Variants in DNAAF4 observed in about 807,000 individuals in gnomAD.
DNAAF4 encodes dynein axonemal assembly factor 4.
Under a neutral mutation model 51.8 loss-of-function variants are expected in DNAAF4, and 43 were observed. That is an observed-to-expected ratio of 0.83 (90% CI 0.65 to 1.07). The LOEUF (loss-of-function observed/expected upper bound fraction) is 1.07, where lower values mean the gene tolerates loss of function less well. DNAAF4 is among the 50% of genes least tolerant of loss of function. The probability of loss-of-function intolerance (pLI) is 0.00; values close to 1 mark genes in which losing one functional copy is unlikely to be tolerated. For synonymous variants in DNAAF4, 194 were observed against 165.6 expected, an observed-to-expected ratio of 1.17 and a Z score of -1.32; for missense variants, 581 against 493.0, an observed-to-expected ratio of 1.18 and a Z score of -1.69.
intron 4 of DNAAF4, among the ~76,000 whole-genome samples, chr15:55,474,066 T>C (rs112703638): frequency 0.041 from 6,188 of 152,274 alleles, 420 homozygotes; most frequent in African/African-American, 0.14. Context: ...GTATACCTAA[T>C]GTTTTACTAT....
At chr15:55,467,644 C>T (rs944398231) in intron 4 of DNAAF4, among the ~76,000 whole-genome samples, 1 of 151,948 alleles carries the variant, frequency 6.6e-6, no homozygotes, top group Non-Finnish European at 1.5e-5. Flanking sequence ...GTTGTGCCAA[C>T]CCTTCAGTCC....
chr15:55,463,172 T>TCACACACACACACA (rs3221985), intron 5 of DNAAF4, among the ~76,000 whole-genome samples: 50 of 140,378 alleles, frequency 3.6e-4, no homozygotes, highest in African/African-American at 1.2e-3. Flanking sequence ...AGACTCTGTC[T>TCACACACACACACA]CACACACACA....
At chr15:55,428,997 A>G (rs1261964701), downstream of DNAAF4, among the ~76,000 whole-genome samples, 3 of 148,758 alleles carry the variant, frequency 2.0e-5, no homozygotes, top group East Asian at 2.1e-4. Flanking sequence ...TGAGGCAGGC[A>G]GACCACTTGA....
chr15:55,502,399 C>A (rs1217530144), intron 1 of DNAAF4, among the ~76,000 whole-genome samples: 1 of 151,960 alleles, frequency 6.6e-6, no homozygotes, highest in Admixed American at 6.6e-5. Context: ...CAGCTCATAT[C>A]CTTTGTGTTA....
At chr15:55,471,870 T>C (rs1395858792) in intron 4 of DNAAF4, among the ~76,000 whole-genome samples, 1 of 148,116 alleles carries the variant, frequency 6.8e-6, no homozygotes, top group African/African-American at 2.5e-5. Context: ...GATGGAGTCT[T>C]GCTGTGTCAC....
intron 4 of DNAAF4, among the ~76,000 whole-genome samples, chr15:55,482,281 T>C (rs979608941): frequency 2.0e-5 from 3 of 152,192 alleles, no homozygotes; most frequent in Non-Finnish European, 2.9e-5. Context: ...AAAAATAGTA[T>C]AGCCATTGTG....
intron 5 of DNAAF4, among the ~76,000 whole-genome samples, chr15:55,459,594 T>C (rs1204814476): frequency 6.6e-6 from 1 of 152,180 alleles, no homozygotes; most frequent in Non-Finnish European, 1.5e-5. Flanking sequence ...AGTAAGTCTT[T>C]TAACAGACTT....
rs145868397 is a variant in DNAAF4 at position 55,497,814 on chromosome 15, T to A, written c.169A>T (p.Ile57Leu). The A allele has an allele frequency of 6.2e-7, 1 of 1,613,820 alleles. No individual in the cohort carries two copies. Among genetic ancestry groups the A allele is most frequent in the South Asian group, 1.1e-5 (1 of 90,940 alleles). Residue 57 changes from isoleucine to leucine, a missense_variant, in exon 3 of 10, where the codon ATA becomes TTA. Coordinates refer to ENST00000321149, the MANE Select transcript of DNAAF4 (RefSeq NM_130810.4). ...TTTGCTTTGCTGCTCTCATCGTCTA[T>A]GGGAGCATAAAGAAATGCCTCAAAT... ...FLFEAFLYAP[I>L]DDESSKAKIG...
intron 6 of DNAAF4, among the ~76,000 whole-genome samples, chr15:55,443,732 C>T (rs1437766907): frequency 1.5e-4 from 23 of 152,248 alleles, no homozygotes; most frequent in East Asian, 9.6e-4. Context: ...TTTTAATGAT[C>T]GCCATTCTAG....
chr15:55,453,301 T>G (rs542219020), intron 5 of DNAAF4, among the ~76,000 whole-genome samples: 2 of 152,284 alleles, frequency 1.3e-5, no homozygotes, highest in South Asian at 4.1e-4. Context: ...AAGAAGTTTT[T>G]GCAGAAGATT....
At chr15:55,437,767 A>T (rs2057639192) in intron 7 of DNAAF4, among the ~76,000 whole-genome samples, 1 of 152,154 alleles carries the variant, frequency 6.6e-6, no homozygotes, top group Admixed American at 6.6e-5. Context: ...AGGAATGCAA[A>T]CAGCTTAGAA....
downstream of DNAAF4, among the ~76,000 whole-genome samples, chr15:55,428,452 T>G (rs2057452060): frequency 6.6e-6 from 1 of 151,214 alleles, no homozygotes; most frequent in Non-Finnish European, 1.5e-5. Flanking sequence ...ATAAATTCAG[T>G]TAAGTTAAAT....
chr15:55,490,275 G>T (rs2058553019), intron 4 of DNAAF4, among the ~76,000 whole-genome samples: 1 of 152,130 alleles, frequency 6.6e-6, no homozygotes, highest in African/African-American at 2.4e-5. Flanking sequence ...GGGAAATGGG[G>T]AGTGGCTGCT....
chr15:55,479,838 G>A (rs1327907425), intron 4 of DNAAF4, among the ~76,000 whole-genome samples: 4 of 152,020 alleles, frequency 2.6e-5, no homozygotes, highest in African/African-American at 9.7e-5. Context: ...TACTAGGGTG[G>A]GGGAAAAACT....
chr15:55,465,950 G>A (rs1403070943), intron 5 of DNAAF4, among the ~76,000 whole-genome samples: 2 of 152,096 alleles, frequency 1.3e-5, no homozygotes, highest in African/African-American at 4.8e-5. Context: ...GGGGGGAAGG[G>A]TGCAGGGGTG....
chr15:55,427,250 TAG>T (rs2057439364), downstream of DNAAF4, among the ~76,000 whole-genome samples: 1 of 152,050 alleles, frequency 6.6e-6, no homozygotes, highest in Admixed American at 6.6e-5. Flanking sequence ...GTTTTTTTAG[TAG>T]AGACGGGGTT....
intron 4 of DNAAF4, among the ~76,000 whole-genome samples, chr15:55,471,514 CTTTTT>C (rs559325274): frequency 6.2e-5 from 9 of 144,064 alleles, no homozygotes; most frequent in Admixed American, 3.5e-4. Context: ...AAATGTTAAA[CTTTTT>C]TTTTTTTTTT....
intron 4 of DNAAF4, among the ~76,000 whole-genome samples, chr15:55,482,817 G>A (rs1026700253): frequency 2.0e-5 from 3 of 152,210 alleles, no homozygotes; most frequent in Admixed American, 6.5e-5. Flanking sequence ...TAAACAAAAT[G>A]TGGTGCCATC....
Position 55,498,591 on chromosome 15 carries a change from G to GATAA in DNAAF4, c.-255-8_-255-7insTTAT. 1.8e-5 allele frequency: 1 copy of GATAA among 56,810 alleles called. No individual in the cohort carries two copies. Among genetic ancestry groups the GATAA allele is most frequent in the East Asian group, 3.9e-4 (1 of 2,562 alleles). The allele number at this position is 56,810 out of a possible 1,614,324, so 3.5% of individuals were successfully genotyped here. ...AGAAGTAGACCCATACCCTCTGCTT[G>GATAA]AGAAAAAAAAAAAAAAAAAAAAGCA... is the stretch of plus-strand genomic sequence containing the variant. On this transcript the variant is annotated splice_polypyrimidine_tract_variant and splice_region_variant and intron_variant, in intron 1 of 9. Transcript: ENST00000321149.
Sources: gnomAD v4.1 joint callset for allele counts (sites outside exome capture counted in the v4.1 genomes callset) on GRCh38, gnomAD v4.1.1 for gene constraint, MANE v1.5 for transcripts, NCBI Gene and HGNC (gene_info 2026-07-23, HGNC 2026-07-21) for gene names.